The following GRM8 variants were observed in gnomAD, a reference collection of about 807,000 sequenced individuals.
GRM8 encodes the protein glutamate metabotropic receptor 8.
GRM8 carries 47 observed loss-of-function variants against 87.2 expected under a neutral mutation model. The ratio of observed to expected loss-of-function variants is 0.54; its 90% CI spans 0.43 to 0.69. The LOEUF is 0.69. GRM8 is among the 30% of genes least tolerant of loss of function. The pLI is 0.00. For synonymous variants in GRM8, 396 were observed against 404.5 expected (o/e 0.98, Z 0.25); for missense variants, 1,019 against 1,139.2 (o/e 0.89, Z 1.52).
chr7:126,933,017 AG>A (rs1054786789), intron 3 of GRM8, among the ~76,000 whole-genome samples: 7 of 152,182 alleles, frequency 4.6e-5, no homozygotes, highest in African/African-American at 1.7e-4. Context: ...TATCCAGGAA[AG>A]GCTAAAACCA....
chr7:126,883,429 CAT>C (rs1800199648), intron 6 of GRM8, among the ~76,000 whole-genome samples: 3 of 152,106 alleles, frequency 2.0e-5, no homozygotes, highest in South Asian at 2.1e-4. Flanking sequence ...GATAAGAAGA[CAT>C]ATGGAATTTC....
intron 4 of GRM8, 34 bp from the exon 5 acceptor site, chr7:126,904,160 T>C (rs1300822367): frequency 6.5e-7 from 1 of 1,546,048 alleles, no homozygotes; most frequent in African/African-American, 1.4e-5. Flanking sequence ...GCATATCACA[T>C]GTATTAAAAA....
At chr7:126,895,286 A>T (rs1801435388) in intron 6 of GRM8, among the ~76,000 whole-genome samples, 1 of 152,098 alleles carries the variant, frequency 6.6e-6, no homozygotes, top group Admixed American at 6.6e-5. Flanking sequence ...TGAGTTTATC[A>T]GTAACCTTTA....
At position 126,539,177 on chromosome 7, in the gene GRM8, A is replaced by C. The variant is rs1449497783; in HGVS notation, c.1495-5290T>G. ...AATTTAAAATAAAATTAAGGAAAAA[A>C]TTTCATTTACATTAACACCAAAAAT... On this transcript the variant is annotated intron_variant, in intron 8 of 10. Transcript: ENST00000339582. Among the ~76,000 whole-genome samples, 3 of 151,996 alleles carry C rather than the reference A, an allele frequency of 2.0e-5. No homozygotes were observed. In the South Asian group the frequency reaches 6.2e-4, roughly 31 times the overall value.
At chr7:126,560,787 T>C (rs748158780) in intron 8 of GRM8, among the ~76,000 whole-genome samples, 2 of 152,214 alleles carry the variant, frequency 1.3e-5, no homozygotes, top group Non-Finnish European at 2.9e-5. Context: ...ATAAGGACAG[T>C]ATTGCTATTC....
chr7:126,666,269 A>T (rs1563073707), intron 7 of GRM8, among the ~76,000 whole-genome samples: 1 of 152,204 alleles, frequency 6.6e-6, no homozygotes, highest in Non-Finnish European at 1.5e-5. Flanking sequence ...GTATTAAGAC[A>T]TGCTGATCAA....
At chr7:126,925,306 C>T (rs1804974749) in intron 3 of GRM8, among the ~76,000 whole-genome samples, 1 of 152,144 alleles carries the variant, frequency 6.6e-6, no homozygotes, top group Non-Finnish European at 1.5e-5. Flanking sequence ...GAAATTTGTG[C>T]TGAATGAATT....
intron 9 of GRM8, among the ~76,000 whole-genome samples, chr7:126,460,860 A>T (rs545598626): frequency 6.6e-6 from 1 of 151,576 alleles, no homozygotes; most frequent in Admixed American, 6.6e-5. Flanking sequence ...TGCAACTGAC[A>T]TAAGTTCTCA....
chr7:126,789,315 G>A (rs1304490283), intron 6 of GRM8, among the ~76,000 whole-genome samples: 1 of 150,762 alleles, frequency 6.6e-6, no homozygotes, highest in African/African-American at 2.4e-5. Context: ...TTTTTTTCCT[G>A]TAGCTGTAAT....
chr7:127,009,380 G>A (rs1393256692), intron 3 of GRM8, among the ~76,000 whole-genome samples: 4 of 151,982 alleles, frequency 2.6e-5, no homozygotes, highest in Non-Finnish European at 5.9e-5. Context: ...TCCATAAGAC[G>A]CTAAAGTGTT....
chr7:127,028,445 T>A (rs751761103), intron 3 of GRM8, among the ~76,000 whole-genome samples: 19 of 152,200 alleles, frequency 1.2e-4, no homozygotes, highest in Admixed American at 2.6e-4. Flanking sequence ...AGAATTTGGC[T>A]GTGAATCTGT....
At chr7:126,933,291 G>T (rs940292571) in intron 3 of GRM8, among the ~76,000 whole-genome samples, 1 of 152,214 alleles carries the variant, frequency 6.6e-6, no homozygotes, top group Non-Finnish European at 1.5e-5. Flanking sequence ...AGGTTGTACA[G>T]TCAGGTGCGA....
At chr7:126,765,640 T>C (rs985293235) in intron 7 of GRM8, among the ~76,000 whole-genome samples, 1 of 152,120 alleles carries the variant, frequency 6.6e-6, no homozygotes, top group East Asian at 1.9e-4. Flanking sequence ...GAGTAAGGAA[T>C]TGACAAGTTC....
intron 2 of GRM8, among the ~76,000 whole-genome samples, chr7:127,194,152 C>A (rs533859788): frequency 1.2e-4 from 18 of 152,200 alleles, no homozygotes; most frequent in Non-Finnish European, 2.2e-4. Flanking sequence ...ACTAGCTTTT[C>A]TCTGCCTCAG....
At chr7:127,062,947 T>G (rs559423283) in intron 3 of GRM8, among the ~76,000 whole-genome samples, 3 of 152,278 alleles carry the variant, frequency 2.0e-5, no homozygotes, top group Non-Finnish European at 4.4e-5. Context: ...ATTTTATTAA[T>G]TTTTTTCCCA....
At position 126,533,649 on chromosome 7, in the gene GRM8, T is replaced by A. The variant is rs146710399; in HGVS notation, c.1733A>T (p.Glu578Val). 45 of 1,614,060 alleles carry A rather than the reference T, an allele frequency of 2.8e-5. No homozygotes were observed. In the East Asian group the frequency reaches 9.4e-4, roughly 34 times the overall value. The change falls in exon 9 of 11, where the codon GAG becomes GTG. Residue 578 changes from glutamate (E) to valine (V), a missense_variant. Coordinates refer to ENST00000339582, the MANE Select transcript of GRM8 (RefSeq NM_000845.3). ...GCQLIPIIKL[E>V]WHSPWAVVPV... ...CACCACAGCCCAGGGAGAATGCCAC[T>A]CCAATTTGATGATGGGGATAAGCTG...
intron 3 of GRM8, among the ~76,000 whole-genome samples, chr7:126,985,941 T>G (rs1395984555): frequency 1.3e-5 from 2 of 152,226 alleles, no homozygotes; most frequent in Non-Finnish European, 2.9e-5. Context: ...ATTGTTAAAA[T>G]ATTCTAATCA....
At position 126,903,695 on chromosome 7, in the gene GRM8, GTA is replaced by G. The variant is rs1302032360; in HGVS notation, c.1018+275_1018+276del. 6.3e-4 allele frequency among the ~76,000 whole-genome samples: 84 copies of G among 133,196 alleles called. 2 individuals are homozygous for G. Among genetic ancestry groups the G allele is most frequent in the African/African-American group, 1.6e-3 (57 of 35,708 alleles). 87.4% of individuals were successfully genotyped at this position (133,196 alleles called of 152,430 possible). A position where few individuals can be genotyped will look rare whatever the true frequency, so the allele number is the denominator to read the frequency against. ...TATGTGTATATATATATGTATATGTGTATATATATATGTATATGTGTATATAT... is the reference window on the plus strand; with the variant it reads ...TATGTGTATATATATATGTATATGTGTATATATATGTATATGTGTATATAT... On this transcript the variant is annotated intron_variant, in intron 5 of 10. Coordinates refer to ENST00000339582, the MANE Select transcript of GRM8 (RefSeq NM_000845.3).
chr7:126,770,932 T>C (rs1400636027), intron 6 of GRM8, among the ~76,000 whole-genome samples: 1 of 151,900 alleles, frequency 6.6e-6, no homozygotes, highest in Non-Finnish European at 1.5e-5. Context: ...AGCCCAATAT[T>C]CTCTCAATCC....
Sources: gnomAD v4.1 joint callset for allele counts (sites outside exome capture counted in the v4.1 genomes callset) on GRCh38, gnomAD v4.1.1 for gene constraint, MANE v1.5 for transcripts, NCBI Gene and HGNC (gene_info 2026-07-23, HGNC 2026-07-21) for gene names.